The following PIK3R3 variants were observed in gnomAD, a reference collection of about 807,000 sequenced individuals.
The protein encoded by PIK3R3 is phosphoinositide-3-kinase regulatory subunit 3.
A neutral mutation model predicts 62.9 loss-of-function variants in PIK3R3; 64 were observed. That is an observed-to-expected ratio of 1.02 (90% CI 0.83 to 1.25). The LOEUF (loss-of-function observed/expected upper bound fraction) is 1.25, where lower values mean the gene tolerates loss of function less well. PIK3R3 is among the 50% of genes most tolerant of loss of function. The pLI, the probability that PIK3R3 is intolerant of heterozygous loss-of-function variation, is 0.00. For synonymous variants in PIK3R3, 165 were observed against 189.0 expected (o/e 0.87, Z 1.04); for missense variants, 614 against 561.6 (o/e 1.09, Z -0.94).
rs1377326897 is a variant in PIK3R3 at position 46,093,602 on chromosome 1, G to A, written c.107-12852C>T. On this transcript the variant is annotated intron_variant, in intron 1 of 9. Transcript: ENST00000262741. ...AAGAACATAAATTATTATGTTAAATGTTGTCAGCCAAGTGTGGTGGCTCAT... is the reference window on the plus strand; with the variant it reads ...AAGAACATAAATTATTATGTTAAATATTGTCAGCCAAGTGTGGTGGCTCAT... Among the ~76,000 whole-genome samples, 5 of 152,112 alleles carry A rather than the reference G, an allele frequency of 3.3e-5. No individual in the cohort carries two copies. In the East Asian group the frequency reaches 9.7e-4, roughly 29 times the overall value.
intron 1 of PIK3R3, among the ~76,000 whole-genome samples, chr1:46,099,649 T>A (rs1423908598): frequency 6.6e-6 from 1 of 152,244 alleles, no homozygotes; most frequent in Non-Finnish European, 1.5e-5. Context: ...ATTTTCTTAA[T>A]GATGGACATT....
At chr1:46,144,627 G>C in the PIK3R3 span, among the ~76,000 whole-genome samples, 1 of 152,070 alleles carries the variant, frequency 6.6e-6, no homozygotes, top group Non-Finnish European at 1.5e-5. Context: ...AGTTAACTGG[G>C]CATGGTGGCA....
chr1:46,051,685 G>A (rs553798547), intron 7 of PIK3R3, among the ~76,000 whole-genome samples: 24 of 152,134 alleles, frequency 1.6e-4, no homozygotes, highest in Non-Finnish European at 2.1e-4. Context: ...TGTTATGGCC[G>A]TTATTATTTT....
At chr1:46,067,179 G>T in intron 3 of PIK3R3, 88 bp from the exon 4 acceptor site, 1 of 980,734 alleles carries the variant, frequency 1.0e-6, no homozygotes, top group Non-Finnish European at 1.5e-6. Context: ...AAAGCTTGGT[G>T]TCACATGATA....
chr1:46,091,450 A>G lies in PIK3R3; in HGVS notation c.107-10700T>C, dbSNP rs551998410. 5.4e-5 allele frequency among the ~76,000 whole-genome samples: 8 copies of G among 148,550 alleles called. No homozygotes were observed. The South Asian group carries it at 1.5e-3, about 28-fold the overall frequency. ...GCCACCATGCCTGGCCCATTTTTAC[A>G]TTTTTAAATGGTTATAAACACACAC... On this transcript the variant is annotated intron_variant, in intron 1 of 9. Transcript: ENST00000262741.
At chr1:46,098,997 G>C (rs759689759) in intron 1 of PIK3R3, among the ~76,000 whole-genome samples, 17 of 152,152 alleles carry the variant, frequency 1.1e-4, no homozygotes, top group Admixed American at 9.8e-4. Context: ...ACCCCACCCA[G>C]CCTAGAGTGA....
rs139479297 is a variant in PIK3R3 at position 46,095,265 on chromosome 1, T to A, written c.107-14515A>T. 1.3e-3 allele frequency among the ~76,000 whole-genome samples: 190 copies of A among 151,914 alleles called. 2 individuals carry two copies. The East Asian group carries it at 0.014, about 11-fold the overall frequency. On this transcript the variant is annotated intron_variant, in intron 1 of 9. Coordinates refer to ENST00000262741, the MANE Select transcript of PIK3R3 (RefSeq NM_003629.4). ...TCAATGATAGACTGGATAAAGAAAA[T>A]GTGGTATATATACAGCATGGAATAC...
chr1:46,086,369 T>C (rs1005441616), intron 1 of PIK3R3, among the ~76,000 whole-genome samples: 1 of 152,110 alleles, frequency 6.6e-6, no homozygotes, highest in Non-Finnish European at 1.5e-5. Context: ...GATGGGAGGA[T>C]TGCTTGAAGC....
intron 1 of PIK3R3, among the ~76,000 whole-genome samples, chr1:46,129,406 TTTATTTATTTATTTA>T (rs1557640266): frequency 6.2e-5 from 5 of 80,284 alleles, no homozygotes; most frequent in East Asian, 1.6e-3. Flanking sequence ...GGGGATTTTA[TTTATTTATTTATTTA>T]TTTATTTATT....
the PIK3R3 span, among the ~76,000 whole-genome samples, chr1:46,157,353 G>A: frequency 3.3e-3 from 504 of 152,122 alleles, 11 homozygotes; most frequent in East Asian, 0.056. Flanking sequence ...GGGTGGTCTC[G>A]AACTCATAAG....
intron 1 of PIK3R3, among the ~76,000 whole-genome samples, chr1:46,130,798 A>G (rs992999010): frequency 6.6e-6 from 1 of 152,234 alleles, no homozygotes; most frequent in Non-Finnish European, 1.5e-5. Context: ...AGAAACAAGG[A>G]GTCACAAAGG....
At chr1:46,082,863 G>A (rs998386826) in intron 1 of PIK3R3, among the ~76,000 whole-genome samples, 7 of 152,018 alleles carry the variant, frequency 4.6e-5, no homozygotes, top group Admixed American at 3.3e-4. Context: ...TCAGGAGTTC[G>A]AGGTCAGGAG....
At chr1:46,153,506 T>C in the PIK3R3 span, among the ~76,000 whole-genome samples, 2 of 152,374 alleles carry the variant, frequency 1.3e-5, no homozygotes, top group African/African-American at 2.4e-5. Flanking sequence ...TTTTCTGTCC[T>C]GGCTGCTGCC....
intron 1 of PIK3R3, among the ~76,000 whole-genome samples, chr1:46,118,940 C>A (rs1200371967): frequency 6.6e-6 from 1 of 151,944 alleles, no homozygotes; most frequent in African/African-American, 2.4e-5. Flanking sequence ...CACAGAGATG[C>A]TCCTGCCTCA....
At chr1:46,151,008 A>G in the PIK3R3 span, among the ~76,000 whole-genome samples, 1 of 151,818 alleles carries the variant, frequency 6.6e-6, no homozygotes, top group Non-Finnish European at 1.5e-5. Context: ...TCGAGGTTTC[A>G]CTATGTTGGT....
the PIK3R3 span, among the ~76,000 whole-genome samples, chr1:46,141,313 C>G: frequency 6.6e-6 from 1 of 151,974 alleles, no homozygotes; most frequent in Non-Finnish European, 1.5e-5. Flanking sequence ...CTCTGTCACC[C>G]AGGCTGGAGT....
intron 1 of PIK3R3, among the ~76,000 whole-genome samples, chr1:46,084,538 G>C (rs1425453011): frequency 6.6e-6 from 1 of 152,036 alleles, no homozygotes; most frequent in Non-Finnish European, 1.5e-5. Context: ...GTTTGAAAAG[G>C]ATTTTATGTG....
At chr1:46,149,771 T>G in the PIK3R3 span, among the ~76,000 whole-genome samples, 1 of 152,124 alleles carries the variant, frequency 6.6e-6, no homozygotes, top group African/African-American at 2.4e-5. Context: ...CGTCAAGGGA[T>G]CCACCTGCCT....
intron 2 of PIK3R3, 123 bp from the exon 3 acceptor site, chr1:46,077,736 G>A: frequency 1.6e-6 from 1 of 628,040 alleles, no homozygotes; most frequent in Non-Finnish European, 2.9e-6. Flanking sequence ...TGAGGTTATA[G>A]AATAACGGAG....
Sources: allele counts gnomAD v4.1 joint callset (sites outside exome capture counted in the v4.1 genomes callset), GRCh38; gene constraint gnomAD v4.1.1; transcripts MANE v1.5; gene names NCBI Gene and HGNC (gene_info 2026-07-23, HGNC 2026-07-21).